Variants in PHLPP1 observed in about 807,000 individuals in gnomAD.
The protein encoded by PHLPP1 is PH domain leucine-rich repeat-containing protein phosphatase 1.
A neutral mutation model predicts 117.2 loss-of-function variants in PHLPP1; 42 were observed. The ratio of observed to expected loss-of-function variants is 0.36; its 90% CI spans 0.28 to 0.46. The LOEUF (loss-of-function observed/expected upper bound fraction) is 0.46, where lower values mean the gene tolerates loss of function less well. Among genes scored for constraint, PHLPP1 ranks in the 20% least tolerant of loss-of-function variants. The pLI is 1.00. For missense variants in PHLPP1, 2,084 were observed against 2,241.9 expected, an observed-to-expected ratio of 0.93 and a Z score of 1.42; for synonymous variants, 1,042 against 970.7, an observed-to-expected ratio of 1.07 and a Z score of -1.37.
chr18:62,761,931 A>G (rs1165786081), intron 1 of PHLPP1, among the ~76,000 whole-genome samples: 1 of 152,162 alleles, frequency 6.6e-6, no homozygotes, highest in Non-Finnish European at 1.5e-5. Context: ...TTTTAAACAG[A>G]TTTAGAAAAT....
intron 1 of PHLPP1, among the ~76,000 whole-genome samples, chr18:62,823,845 C>T (rs1186924746): frequency 6.6e-6 from 1 of 151,862 alleles, no homozygotes; most frequent in African/African-American, 2.4e-5. Flanking sequence ...AAAGTGTTGA[C>T]TGGGGGCCAG....
intron 1 of PHLPP1, among the ~76,000 whole-genome samples, chr18:62,787,030 C>CATTT (rs999346970): frequency 6.6e-6 from 1 of 152,016 alleles, no homozygotes; most frequent in African/African-American, 2.4e-5. Context: ...TGCATTCATT[C>CATTT]ATTTATTTAT....
intron 12 of PHLPP1, among the ~76,000 whole-genome samples, chr18:62,954,643 CT>C (rs1290743990): frequency 6.6e-6 from 1 of 152,108 alleles, no homozygotes; most frequent in Non-Finnish European, 1.5e-5. Flanking sequence ...AACGAACCTC[CT>C]TCCTGTGTGC....
At chr18:62,946,467 A>G (rs1269932041) in intron 12 of PHLPP1, among the ~76,000 whole-genome samples, 1 of 151,958 alleles carries the variant, frequency 6.6e-6, no homozygotes, top group Admixed American at 6.6e-5. Context: ...GGGTTTCACC[A>G]TGTTGGCCAG....
chr18:62,715,824 C>T lies in PHLPP1; in HGVS notation c.141C>T (p.Gly47=). The stretch of plus-strand genomic sequence containing the variant: ...CGGCTCTGGCGGCGGCGGCCGGGGG[C>T]GGCCGGAGTCCGGAGCCCGCGCTGA... ...AAAALAAAAG[G]GRSPEPALTP... is the part of the protein sequence containing the mutation. The change falls in exon 1 of 17, where the codon GGC becomes GGT. Residue 47 remains glycine, a synonymous_variant. Transcript: ENST00000262719. The T allele has an allele frequency of 1.3e-6, 1 of 752,300 alleles. No homozygotes were observed. The highest frequency in any genetic ancestry group is 1.6e-6 in the Non-Finnish European group (1 of 614,700). 46.6% of individuals were successfully genotyped at this position (752,300 alleles called of 1,614,324 possible).
At chr18:62,849,800 A>G (rs1915280080) in intron 3 of PHLPP1, among the ~76,000 whole-genome samples, 3 of 29,474 alleles carry the variant, frequency 1.0e-4, no homozygotes, top group South Asian at 2.9e-3. Flanking sequence ...GTCTCTACAA[A>G]AAAAAAAAAA....
At chr18:62,744,095 A>G (rs955920171) in intron 1 of PHLPP1, among the ~76,000 whole-genome samples, 9 of 152,228 alleles carry the variant, frequency 5.9e-5, no homozygotes, top group Admixed American at 5.2e-4. Flanking sequence ...GTTAATTGCC[A>G]TGAGTTAGAC....
At chr18:62,717,534 G>C (rs1910796373) in intron 1 of PHLPP1, among the ~76,000 whole-genome samples, 1 of 152,158 alleles carries the variant, frequency 6.6e-6, no homozygotes, top group African/African-American at 2.4e-5. Context: ...AGATCCCTCT[G>C]AAAGCGGCAA....
At chr18:62,753,354 G>T (rs186037333) in intron 1 of PHLPP1, among the ~76,000 whole-genome samples, 14 of 152,266 alleles carry the variant, frequency 9.2e-5, no homozygotes, top group Admixed American at 5.9e-4. Context: ...AGTCACTTAA[G>T]AAGACTTTTA....
At chr18:62,730,117 C>T (rs887005039) in intron 1 of PHLPP1, among the ~76,000 whole-genome samples, 1 of 152,104 alleles carries the variant, frequency 6.6e-6, no homozygotes, top group African/African-American at 2.4e-5. Flanking sequence ...TAAGTGTCCC[C>T]CTTGATTTGC....
At chr18:62,895,660 C>A in intron 5 of PHLPP1, 121 bp from the exon 6 acceptor site, 1 of 660,402 alleles carries the variant, frequency 1.5e-6, no homozygotes, top group Non-Finnish European at 2.7e-6. Context: ...TGCCCTTAGG[C>A]ATTTTGCGAA....
chr18:62,874,842 G>A (rs1248927728), intron 4 of PHLPP1, among the ~76,000 whole-genome samples: 2 of 152,200 alleles, frequency 1.3e-5, no homozygotes, highest in Non-Finnish European at 1.5e-5. Flanking sequence ...CACAGACAGC[G>A]ATCCTCACCA....
rs145253823 is a variant in PHLPP1, at chr18:62,933,881, A to T, written c.2961-7837A>T. On this transcript the variant is annotated intron_variant, in intron 10 of 16. Coordinates refer to ENST00000262719, the MANE Select transcript of PHLPP1 (RefSeq NM_194449.4). The stretch of plus-strand genomic sequence containing the variant: ...AGGACAAATATCTATAAGAAACTTA[A>T]ATAAGAAAGAAACAACCCCATTAAA... 2.1e-3 allele frequency among the ~76,000 whole-genome samples: 323 copies of T among 152,048 alleles called. 3 individuals are homozygous for T. The highest frequency in any genetic ancestry group is 7.2e-3 in the African/African-American group (301 of 41,558).
chr18:62,784,606 G>A (rs1280797504), intron 1 of PHLPP1, among the ~76,000 whole-genome samples: 3 of 152,164 alleles, frequency 2.0e-5, no homozygotes, highest in African/African-American at 7.2e-5. Flanking sequence ...TGAAGAAATG[G>A]GAGAATTATC....
At chr18:62,918,799 A>G (rs1029199769) in intron 9 of PHLPP1, among the ~76,000 whole-genome samples, 21 of 152,138 alleles carry the variant, frequency 1.4e-4, no homozygotes, top group Non-Finnish European at 2.1e-4. Context: ...AGTTAATAAC[A>G]ATGTCTTGTA....
intron 10 of PHLPP1, among the ~76,000 whole-genome samples, chr18:62,923,428 A>G (rs1370857812): frequency 6.6e-6 from 1 of 152,224 alleles, no homozygotes; most frequent in Non-Finnish European, 1.5e-5. Context: ...CATCTCCAGC[A>G]TAGCATAGCA....
chr18:62,746,492 G>A (rs1266602311), intron 1 of PHLPP1, among the ~76,000 whole-genome samples: 1 of 152,126 alleles, frequency 6.6e-6, no homozygotes, highest in African/African-American at 2.4e-5. Flanking sequence ...AACACTATTT[G>A]AATGATGTTC....
chr18:62,716,446 G>T lies in PHLPP1; in HGVS notation c.763G>T (p.Ala255Ser). 7.6e-7 allele frequency: 1 copy of T among 1,309,262 alleles called. No homozygotes were observed. The highest frequency in any genetic ancestry group is 9.7e-7 in the Non-Finnish European group (1 of 1,032,526). The allele number at this position is 1,309,262 out of a possible 1,614,324, so 81.1% of individuals were successfully genotyped here. Reference sequence around the variant, plus strand: ...GGTGCTGGGCCAGGGGCCCGGAGCCGCCGCCGCCCGGGAGCCCGCTGAACC... The same window carrying T: ...GGTGCTGGGCCAGGGGCCCGGAGCCTCCGCCGCCCGGGAGCCCGCTGAACC... Reference protein sequence around the residue: ...VKVLGQGPGAAAAREPAEPPP... With the variant: ...VKVLGQGPGASAAREPAEPPP... The change falls in exon 1 of 17, where the codon GCC becomes TCC. Residue 255 changes from alanine to serine, a missense_variant. Ala to Ser is a moderately conservative substitution (Grantham distance 99, BLOSUM62 1). Around this residue, in one of 2 missense-constraint regions of PHLPP1, gnomAD observed 719 missense variants for 636.0 expected, o/e 1.13. Coordinates refer to ENST00000262719, the MANE Select transcript of PHLPP1 (RefSeq NM_194449.4). The surrounding 1 kb of genome is among the most constrained non-coding windows in gnomAD (Gnocchi z 5.7).
intron 5 of PHLPP1, 27 bp downstream of exon 5, chr18:62,895,184 GTA>G (rs754100184): frequency 1.2e-6 from 2 of 1,604,808 alleles, no homozygotes; most frequent in South Asian, 2.2e-5. Context: ...CCACTGGCGG[GTA>G]TATCCAGAAG....
Sources: gnomAD v4.1 joint callset for allele counts (sites outside exome capture counted in the v4.1 genomes callset) on GRCh38, gnomAD v4.1.1 for gene constraint, gnomAD v4.1.1 regional missense constraint, Gnocchi (gnomAD v3.1) non-coding constraint, MANE v1.5 for transcripts, NCBI Gene and HGNC (gene_info 2026-07-23, HGNC 2026-07-21) for gene names.